ANO6: variants seen among roughly 807,000 people sequenced by gnomAD.
The protein encoded by ANO6 is anoctamin 6, also known as anoctamin-6.
A neutral mutation model predicts 117.5 loss-of-function variants in ANO6; 106 were observed. The ratio of observed to expected loss-of-function variants is 0.90; its 90% CI spans 0.77 to 1.06. The LOEUF (loss-of-function observed/expected upper bound fraction) is 1.06, where lower values mean the gene tolerates loss of function less well. ANO6 is among the 50% of genes least tolerant of loss of function. The pLI is 0.00. For missense variants in ANO6, 955 were observed against 1,121.1 expected (o/e 0.85, Z 2.12); for synonymous variants, 367 against 385.1 (o/e 0.95, Z 0.55).
chr12:45,319,468 A>G (rs1334507766), intron 2 of ANO6, among the ~76,000 whole-genome samples: 1 of 152,238 alleles, frequency 6.6e-6, no homozygotes, highest in Non-Finnish European at 1.5e-5. Context: ...GATGAAGCCT[A>G]CTTGATCACA....
chr12:45,280,969 A>T (rs764350405), intron 1 of ANO6, among the ~76,000 whole-genome samples: 101 of 152,046 alleles, frequency 6.6e-4, no homozygotes, highest in Non-Finnish European at 1.3e-3. Flanking sequence ...CCCATCTGTC[A>T]TCTTTCTGAT....
intron 8 of ANO6, among the ~76,000 whole-genome samples, chr12:45,361,993 C>T (rs919186998): frequency 3.3e-5 from 5 of 151,928 alleles, no homozygotes; most frequent in Admixed American, 2.6e-4. Context: ...AGCATAATAC[C>T]AGTCGCATAG....
intron 1 of ANO6, among the ~76,000 whole-genome samples, chr12:45,222,933 C>T (rs1453132531): frequency 2.0e-5 from 3 of 152,192 alleles, no homozygotes; most frequent in Non-Finnish European, 4.4e-5. Context: ...CAACATGGTT[C>T]AATCATGACT....
chr12:45,219,262 G>A (rs1022495969), intron 1 of ANO6, among the ~76,000 whole-genome samples: 4 of 152,112 alleles, frequency 2.6e-5, no homozygotes. Context: ...ATGGAAATGT[G>A]CCCTCTAGTA....
intron 7 of ANO6, among the ~76,000 whole-genome samples, chr12:45,356,405 G>A (rs866927232): frequency 1.3e-5 from 2 of 152,064 alleles, no homozygotes; most frequent in Non-Finnish European, 1.5e-5. Flanking sequence ...CACACATACA[G>A]TCGAAAACCT....
At chr12:45,409,307 C>T (rs371068984) in intron 15 of ANO6, 50 bp from the exon 16 acceptor site, 1 of 1,607,578 alleles carries the variant, frequency 6.2e-7, no homozygotes, top group Non-Finnish European at 8.5e-7. Context: ...ATTTTTATGA[C>T]CTTGGCCTGA....
intron 2 of ANO6, among the ~76,000 whole-genome samples, chr12:45,325,206 C>G (rs1208994661): frequency 1.3e-5 from 2 of 152,124 alleles, no homozygotes; most frequent in African/African-American, 4.8e-5. Flanking sequence ...TATTTTGGTT[C>G]CAACTGATTC....
At chr12:45,221,160 T>C (rs1947392635) in intron 1 of ANO6, among the ~76,000 whole-genome samples, 1 of 152,222 alleles carries the variant, frequency 6.6e-6, no homozygotes, top group Non-Finnish European at 1.5e-5. Flanking sequence ...GACGCCCAGC[T>C]GGCGTTCATT....
chr12:45,391,571 A>T (rs1942450821), intron 12 of ANO6, among the ~76,000 whole-genome samples: 1 of 150,630 alleles, frequency 6.6e-6, no homozygotes, highest in African/African-American at 2.4e-5. Flanking sequence ...CAAAAACATT[A>T]AAAAAAAAAT....
chr12:45,424,907 T>C (rs898894744), intron 19 of ANO6, among the ~76,000 whole-genome samples: 2 of 151,222 alleles, frequency 1.3e-5, no homozygotes, highest in African/African-American at 2.4e-5. Context: ...TAATCAAATA[T>C]GAGCACACAA....
intron 1 of ANO6, among the ~76,000 whole-genome samples, chr12:45,266,697 TG>T (rs1341271686): frequency 6.6e-6 from 1 of 152,164 alleles, no homozygotes; most frequent in African/African-American, 2.4e-5. Flanking sequence ...CTTGAAAGGC[TG>T]AGGCAGGAGG....
chr12:45,261,822 C>A (rs534860783), intron 1 of ANO6, among the ~76,000 whole-genome samples: 1 of 152,116 alleles, frequency 6.6e-6, no homozygotes, highest in African/African-American at 2.4e-5. Flanking sequence ...AGCATACTTA[C>A]GGTGCATCAC....
At position 45,429,436 on chromosome 12, in the gene ANO6, T is replaced by A; in HGVS notation, c.*125T>A. The A allele has an allele frequency of 2.0e-6, 3 of 1,501,270 alleles. No individual in the cohort carries two copies. The highest frequency in any genetic ancestry group is 2.7e-6 in the Non-Finnish European group (3 of 1,131,076). 93.0% of individuals were successfully genotyped at this position (1,501,270 alleles called of 1,614,324 possible). The stretch of plus-strand genomic sequence containing the variant: ...ATGAGTCTCAACTATTGCCATTTCC[T>A]CATGTATTATTTTTCAGTTTCAGCT... On this transcript the variant is annotated 3_prime_UTR_variant, in exon 20 of 20. Transcript: ENST00000320560.
chr12:45,244,960 A>G (rs1017863771), intron 1 of ANO6, among the ~76,000 whole-genome samples: 1 of 152,188 alleles, frequency 6.6e-6, no homozygotes. Flanking sequence ...CCCTAGCTTC[A>G]AGAGCTAGTA....
chr12:45,293,861 G>A (rs1939200862), intron 1 of ANO6, among the ~76,000 whole-genome samples: 1 of 146,646 alleles, frequency 6.8e-6, no homozygotes, highest in Non-Finnish European at 1.5e-5. Context: ...GGGATTACAA[G>A]CGTGAGCCAC....
intron 1 of ANO6, among the ~76,000 whole-genome samples, chr12:45,300,628 G>A (rs1939451787): frequency 6.6e-6 from 1 of 152,042 alleles, no homozygotes; most frequent in Non-Finnish European, 1.5e-5. Context: ...CTTTAAATCT[G>A]ATCTCCCTTT....
Position 45,430,338 on chromosome 12 carries a change from G to A in ANO6, c.*1027G>A. On this transcript the variant is annotated 3_prime_UTR_variant, in exon 20 of 20. Coordinates refer to ENST00000320560, the MANE Select transcript of ANO6 (RefSeq NM_001025356.3). ...TACACAGCCATTGGGGTACAACTGT[G>A]TGCATGGGCAGAAACAGCAAGTGCC... is the stretch of plus-strand genomic sequence containing the variant. 1.0e-6 allele frequency: 1 copy of A among 985,474 alleles called. No individual in the cohort carries two copies. The highest frequency in any genetic ancestry group is 1.7e-5 in the African/African-American group (1 of 57,372). 61.0% of individuals were successfully genotyped at this position (985,474 alleles called of 1,614,324 possible).
intron 17 of ANO6, among the ~76,000 whole-genome samples, chr12:45,417,612 A>G (rs1718757677): frequency 6.6e-6 from 1 of 152,220 alleles, no homozygotes; most frequent in African/African-American, 2.4e-5. Flanking sequence ...ACAGGCACAC[A>G]GGAAGTTCTC....
At chr12:45,377,545 G>A (rs1239696350) in intron 9 of ANO6, among the ~76,000 whole-genome samples, 2 of 152,164 alleles carry the variant, frequency 1.3e-5, no homozygotes, top group Non-Finnish European at 2.9e-5. Flanking sequence ...TCTCCTGGAG[G>A]AGAGCCACTT....
Sources: allele counts gnomAD v4.1 joint callset (sites outside exome capture counted in the v4.1 genomes callset), GRCh38; gene constraint gnomAD v4.1.1; transcripts MANE v1.5; gene names NCBI Gene and HGNC (gene_info 2026-07-23, HGNC 2026-07-21).